Variants in NRCAM observed in about 807,000 individuals in gnomAD.
NRCAM encodes neuronal cell adhesion molecule.
In NRCAM, 83 loss-of-function variants were observed where a neutral mutation model predicts 156.5. That is an observed-to-expected ratio of 0.53 (90% CI 0.44 to 0.64). NRCAM has a LOEUF of 0.64. Ranked by LOEUF, NRCAM falls within the 30% of genes least tolerant of loss-of-function variation. NRCAM has a pLI of 0.00. For synonymous variants in NRCAM, 538 were observed against 563.9 expected (o/e 0.95, Z 0.65); for missense variants, 1,417 against 1,597.3 (o/e 0.89, Z 1.92).
intron 3 of NRCAM, among the ~76,000 whole-genome samples, chr7:108,257,528 G>C (rs1016319432): frequency 2.0e-5 from 3 of 152,276 alleles, no homozygotes; most frequent in African/African-American, 7.2e-5. Context: ...AAGCGATACT[G>C]AGAGAAATGG....
intron 11 of NRCAM, 90 bp from the exon 12 acceptor site, chr7:108,209,695 A>C: frequency 2.3e-6 from 2 of 888,554 alleles, no homozygotes; most frequent in South Asian, 3.2e-5. Context: ...TTTGTAACAA[A>C]TCTTTATTAA....
intron 1 of NRCAM, among the ~76,000 whole-genome samples, chr7:108,447,562 G>A (rs1253898473): frequency 7.5e-6 from 1 of 133,382 alleles, no homozygotes; most frequent in Admixed American, 7.5e-5. Context: ...GAGCCACTGC[G>A]CCCGACCAAG....
chr7:108,184,751 T>G, intron 20 of NRCAM, 137 bp from the exon 21 acceptor site: 1 of 650,670 alleles, frequency 1.5e-6, no homozygotes, highest in South Asian at 2.2e-5. Context: ...AAAATGCCAT[T>G]AAAATATTTT....
Position 108,430,071 on chromosome 7 carries a change from C to A in NRCAM, c.-332+26172G>T, listed in dbSNP as rs188406621. On this transcript the variant is annotated intron_variant, in intron 1 of 32. Transcript: ENST00000379028. The stretch of plus-strand genomic sequence containing the variant: ...GTGTGGTCGAGGCTGGGCACAGGGG[C>A]TGCAGAGCTGAGTTGGGGGGTGCAC... 1.2e-4 allele frequency among the ~76,000 whole-genome samples: 19 copies of A among 152,230 alleles called. No individual in the cohort carries two copies. In the East Asian group the frequency reaches 3.7e-3, roughly 29 times the overall value.
At chr7:108,433,344 G>A (rs1167025719) in intron 1 of NRCAM, among the ~76,000 whole-genome samples, 2 of 152,086 alleles carry the variant, frequency 1.3e-5, no homozygotes, top group African/African-American at 4.8e-5. Flanking sequence ...ATAGGCTCTG[G>A]CTCTAAGACA....
intron 1 of NRCAM, among the ~76,000 whole-genome samples, chr7:108,453,687 G>T (rs951019402): frequency 6.6e-6 from 1 of 152,156 alleles, no homozygotes; most frequent in Non-Finnish European, 1.5e-5. Flanking sequence ...TAAAAAGAAG[G>T]TTGAAACAAG....
chr7:108,190,229 T>G (rs747457005), intron 19 of NRCAM, among the ~76,000 whole-genome samples: 2 of 152,236 alleles, frequency 1.3e-5, no homozygotes, highest in Non-Finnish European at 2.9e-5. Flanking sequence ...AATATTTATA[T>G]TTGCGAAAGA....
At chr7:108,169,769 C>A in intron 28 of NRCAM, among the ~76,000 whole-genome samples, 1 of 152,238 alleles carries the variant, frequency 6.6e-6, no homozygotes, top group East Asian at 1.9e-4. Context: ...AATATGCACA[C>A]ATGTGTAAAA....
chr7:108,405,721 C>G (rs2154402247), intron 1 of NRCAM, among the ~76,000 whole-genome samples: 1 of 152,248 alleles, frequency 6.6e-6, no homozygotes, highest in African/African-American at 2.4e-5. Flanking sequence ...AAAGCAGTAT[C>G]TTTAGATATG....
chr7:108,241,082 T>A (rs2095491324), intron 3 of NRCAM, among the ~76,000 whole-genome samples: 1 of 152,160 alleles, frequency 6.6e-6, no homozygotes, highest in African/African-American at 2.4e-5. Context: ...CCAGGAAACA[T>A]CAGCTGATCA....
chr7:108,309,498 A>G (rs1438956583), intron 3 of NRCAM, among the ~76,000 whole-genome samples: 1 of 152,150 alleles, frequency 6.6e-6, no homozygotes, highest in African/African-American at 2.4e-5. Flanking sequence ...ACTGGTATCA[A>G]CTAAACTCAG....
At chr7:108,294,193 GTTTTTTTTTTT>G (rs56717039) in intron 3 of NRCAM, among the ~76,000 whole-genome samples, 10 of 87,932 alleles carry the variant, frequency 1.1e-4, no homozygotes, top group African/African-American at 1.3e-4. Flanking sequence ...TTCTTTACTG[GTTTTTTTTTTT>G]TTTTTTTTTT....
intron 2 of NRCAM, among the ~76,000 whole-genome samples, chr7:108,359,315 A>C (rs117663750): frequency 2.7e-3 from 411 of 152,338 alleles, no homozygotes; most frequent in Admixed American, 4.1e-3. Context: ...CTATAAACAT[A>C]GCAACATAGA....
At chr7:108,360,017 A>C (rs1287064862) in intron 2 of NRCAM, among the ~76,000 whole-genome samples, 1 of 152,196 alleles carries the variant, frequency 6.6e-6, no homozygotes, top group Non-Finnish European at 1.5e-5. Context: ...AGATTCATCC[A>C]TGTTCCAGAT....
At chr7:108,398,442 GT>G (rs1239716006) in intron 2 of NRCAM, among the ~76,000 whole-genome samples, 1 of 151,994 alleles carries the variant, frequency 6.6e-6, no homozygotes, top group Non-Finnish European at 1.5e-5. Flanking sequence ...TATTGCTCTA[GT>G]TCATTCTCTA....
intron 32 of NRCAM, chr7:108,150,865 T>G (rs1299211073): frequency 2.5e-6 from 1 of 400,318 alleles, no homozygotes; most frequent in East Asian, 7.2e-5. Context: ...GAGACGCACT[T>G]TAACTTAAAA....
At chr7:108,312,111 G>A (rs907415871) in intron 3 of NRCAM, among the ~76,000 whole-genome samples, 3 of 151,998 alleles carry the variant, frequency 2.0e-5, no homozygotes, top group Non-Finnish European at 4.4e-5. Context: ...AGAATGGGGC[G>A]GACAGCGGGG....
intron 24 of NRCAM, among the ~76,000 whole-genome samples, chr7:108,181,190 A>G (rs1374415579): frequency 2.1e-5 from 1 of 48,754 alleles, no homozygotes; most frequent in Non-Finnish European, 4.5e-5. Flanking sequence ...TGGCAATGCT[A>G]GGGGGAAAAA....
At chr7:108,157,756 A>C (rs2046421866) in intron 32 of NRCAM, among the ~76,000 whole-genome samples, 1 of 152,144 alleles carries the variant, frequency 6.6e-6, no homozygotes, top group African/African-American at 2.4e-5. Flanking sequence ...CATCGCTGTA[A>C]GAGCAAGCTG....
Sources: gnomAD v4.1 joint callset for allele counts (sites outside exome capture counted in the v4.1 genomes callset) on GRCh38, gnomAD v4.1.1 for gene constraint, MANE v1.5 for transcripts, NCBI Gene and HGNC (gene_info 2026-07-23, HGNC 2026-07-21) for gene names.